The following CDK13 variants were observed in gnomAD, a reference collection of about 807,000 sequenced individuals.
The protein encoded by CDK13 is cyclin-dependent kinase 13.
In CDK13, 40 loss-of-function variants were observed where a neutral mutation model predicts 137.6. The ratio of observed to expected loss-of-function variants is 0.29; its 90% confidence interval spans 0.23 to 0.38. The LOEUF (loss-of-function observed/expected upper bound fraction) is 0.38. Among genes scored for constraint, CDK13 ranks in the 10% least tolerant of loss-of-function variants. The probability of loss-of-function intolerance (pLI) is 1.00; values close to 1 mark genes in which losing one functional copy is unlikely to be tolerated. For missense variants in CDK13, 1,704 were observed against 1,951.8 expected (o/e 0.87, Z 2.39); for synonymous variants, 869 against 760.1 (o/e 1.14, Z -2.36).
intron 1 of CDK13, among the ~76,000 whole-genome samples, chr7:39,981,145 T>C (rs1562710016): frequency 2.6e-5 from 4 of 152,066 alleles, no homozygotes; most frequent in African/African-American, 9.7e-5. Context: ...AGTGGACAGA[T>C]CACTTGAGTC....
At chr7:39,968,123 T>G (rs887549149) in intron 1 of CDK13, among the ~76,000 whole-genome samples, 2 of 152,232 alleles carry the variant, frequency 1.3e-5, no homozygotes, top group Non-Finnish European at 2.9e-5. Flanking sequence ...TGCTAATATA[T>G]TTTGAATATT....
At chr7:40,007,151 C>T (rs951324955) in intron 5 of CDK13, among the ~76,000 whole-genome samples, 19 of 152,040 alleles carry the variant, frequency 1.2e-4, no homozygotes, top group African/African-American at 3.9e-4. Context: ...ATTACTATCC[C>T]GTAATTAATT....
intron 1 of CDK13, among the ~76,000 whole-genome samples, chr7:39,975,840 A>T (rs1583931436): frequency 6.6e-6 from 1 of 152,184 alleles, no homozygotes; most frequent in Non-Finnish European, 1.5e-5. Context: ...TTTTATTTTT[A>T]TTTTAAATGC....
chr7:39,989,431 T>G (rs1784412135), intron 2 of CDK13, among the ~76,000 whole-genome samples: 1 of 151,900 alleles, frequency 6.6e-6, no homozygotes, highest in African/African-American at 2.4e-5. Flanking sequence ...TGAAGTCAGA[T>G]GGATAAAAAT....
chr7:39,997,969 G>T, intron 3 of CDK13: 1 of 246,698 alleles, frequency 4.1e-6, no homozygotes, highest in Non-Finnish European at 7.8e-6. Flanking sequence ...CTGAAATTGG[G>T]CAGAGTAGAA....
intron 1 of CDK13, among the ~76,000 whole-genome samples, chr7:39,965,602 A>G: frequency 6.6e-6 from 1 of 152,186 alleles, no homozygotes; most frequent in Middle Eastern, 3.2e-3. Flanking sequence ...TAATTGGAGC[A>G]TTTAGCCCAT....
chr7:40,012,207 A>C (rs1279982552), intron 5 of CDK13, among the ~76,000 whole-genome samples: 1 of 152,188 alleles, frequency 6.6e-6, no homozygotes, highest in Non-Finnish European at 1.5e-5. Flanking sequence ...TCTTTGCTAC[A>C]GAGAGAGTAC....
intron 5 of CDK13, among the ~76,000 whole-genome samples, chr7:40,031,828 G>GTTA (rs34654098): frequency 0.054 from 7,451 of 139,044 alleles, 242 homozygotes; most frequent in East Asian, 0.085. Flanking sequence ...TATTATTATT[G>GTTA]TTATTATTAT....
chr7:40,031,647 TTTTTTC>T (rs1785381674), intron 5 of CDK13, among the ~76,000 whole-genome samples: 1 of 151,960 alleles, frequency 6.6e-6, no homozygotes, highest in Non-Finnish European at 1.5e-5. Context: ...GTTTGTTTTC[TTTTTTC>T]TTTTATTTTG....
chr7:39,988,769 A>G (rs1443836406), intron 2 of CDK13, among the ~76,000 whole-genome samples: 2 of 152,104 alleles, frequency 1.3e-5, no homozygotes, highest in East Asian at 3.9e-4. Flanking sequence ...GTTGGGATTA[A>G]TCACATTATA....
chr7:40,096,924 A>G lies in CDK13; in HGVS notation c.*1944A>G, dbSNP rs557335723. The G allele has an allele frequency of 6.6e-6, 1 of 152,258 alleles. No homozygotes were observed. The highest frequency in any genetic ancestry group is 2.1e-4 in the South Asian group (1 of 4,834). 9.4% of individuals were successfully genotyped at this position (152,258 alleles called of 1,614,324 possible). On this transcript the variant is annotated 3_prime_UTR_variant, in exon 14 of 14. Transcript: ENST00000181839. ...GGAAATGAAGAAATATTTTGAAATT[A>G]GCAAAATAGCAACAGTATTCAAGTA... is the stretch of plus-strand genomic sequence containing the variant.
Position 40,093,307 on chromosome 7 carries a change from A to G in CDK13, c.3688+70A>G, listed in dbSNP as rs1786968903. On this transcript the variant is annotated intron_variant, in intron 13 of 13. Coordinates refer to ENST00000181839, the MANE Select transcript of CDK13 (RefSeq NM_003718.5). Reference sequence around the variant, plus strand: ...GTCTACTCAGTGTTGCTGACTATATATAATGTGTATAGTTCAGTGACATTG... The same window carrying G: ...GTCTACTCAGTGTTGCTGACTATATGTAATGTGTATAGTTCAGTGACATTG... The G allele has an allele frequency of 2.4e-6, 3 of 1,229,798 alleles. No homozygotes were observed. The South Asian group carries it at 4.2e-5, about 17-fold the overall frequency. 76.2% of individuals were successfully genotyped at this position (1,229,798 alleles called of 1,614,324 possible).
chr7:40,038,216 G>A (rs932046812), intron 5 of CDK13, among the ~76,000 whole-genome samples: 9 of 151,934 alleles, frequency 5.9e-5, no homozygotes, highest in African/African-American at 2.2e-4. Context: ...TATAAAAAAA[G>A]GTAGCAATGT....
chr7:39,983,433 T>C (rs1367589199), intron 1 of CDK13, among the ~76,000 whole-genome samples: 3 of 152,202 alleles, frequency 2.0e-5, no homozygotes, highest in Admixed American at 6.5e-5. Context: ...AAAATATCTT[T>C]ATATAGAACA....
At chr7:40,053,078 C>T (rs1425671624) in intron 7 of CDK13, among the ~76,000 whole-genome samples, 1 of 152,120 alleles carries the variant, frequency 6.6e-6, no homozygotes, top group East Asian at 1.9e-4. Flanking sequence ...TTAAATTGTT[C>T]TCCCTTCAAC....
chr7:40,013,444 GAAGT>G (rs1784938683), intron 5 of CDK13, among the ~76,000 whole-genome samples: 1 of 152,200 alleles, frequency 6.6e-6, no homozygotes, highest in African/African-American at 2.4e-5. Flanking sequence ...TAAACGAGAT[GAAGT>G]AATACATGCT....
chr7:39,996,446 CAG>C (rs1398622320), intron 2 of CDK13, among the ~76,000 whole-genome samples: 4 of 152,030 alleles, frequency 2.6e-5, no homozygotes, highest in African/African-American at 7.2e-5. Context: ...CTTTAAAACT[CAG>C]AGCTCTTTAT....
intron 2 of CDK13, among the ~76,000 whole-genome samples, chr7:39,992,752 T>C (rs1784490460): frequency 6.6e-6 from 1 of 152,082 alleles, no homozygotes; most frequent in Admixed American, 6.5e-5. Flanking sequence ...TTTGGATTTA[T>C]CTGATTATTT....
At chr7:39,957,924 C>T (rs915752073) in intron 1 of CDK13, among the ~76,000 whole-genome samples, 1 of 151,940 alleles carries the variant, frequency 6.6e-6, no homozygotes. Context: ...GTGTGAATAT[C>T]ATTTTGTTGT....
Sources: gnomAD v4.1 joint callset for allele counts (sites outside exome capture counted in the v4.1 genomes callset) on GRCh38, gnomAD v4.1.1 for gene constraint, MANE v1.5 for transcripts, NCBI Gene and HGNC (gene_info 2026-07-23, HGNC 2026-07-21) for gene names.